Variants in IQCJ observed in about 807,000 individuals in gnomAD.
IQCJ encodes IQ domain-containing protein J.
A neutral mutation model predicts 11.0 loss-of-function variants in IQCJ; 9 were observed. The ratio of observed to expected loss-of-function variants is 0.82; its 90% confidence interval spans 0.49 to 1.43. The LOEUF is 1.43. Among genes scored for constraint, IQCJ ranks in the 40% most tolerant of loss-of-function variants. The pLI, the probability that IQCJ is intolerant of heterozygous loss-of-function variation, is 0.00. For synonymous variants in IQCJ, 55 were observed against 51.3 expected, an observed-to-expected ratio of 1.07 and a Z score of -0.31; for missense variants, 146 against 133.2, an observed-to-expected ratio of 1.10 and a Z score of -0.47.
At chr3:159,107,148 C>G (rs910700366) in intron 1 of IQCJ, among the ~76,000 whole-genome samples, 3 of 152,154 alleles carry the variant, frequency 2.0e-5, no homozygotes, top group Admixed American at 6.5e-5. Flanking sequence ...TTTGTGTCTC[C>G]TCTACCCCAA....
At chr3:159,264,738 C>G (rs1188168393), downstream of IQCJ, among the ~76,000 whole-genome samples, 2 of 151,966 alleles carry the variant, frequency 1.3e-5, no homozygotes, top group African/African-American at 2.4e-5. Context: ...ATAGCGAAAC[C>G]CTGTCTCTAC....
At chr3:159,265,332 A>G, downstream of IQCJ, 1 of 1,613,912 alleles carries the variant, frequency 6.2e-7, no homozygotes, top group Non-Finnish European at 8.5e-7. Flanking sequence ...CCAGCTTGCC[A>G]GACCCACTGG....
At chr3:159,116,840 TC>T (rs1469466958) in intron 1 of IQCJ, among the ~76,000 whole-genome samples, 6 of 151,214 alleles carry the variant, frequency 4.0e-5, no homozygotes, top group Non-Finnish European at 8.9e-5. Flanking sequence ...ATAATCTGAG[TC>T]TTAAAAGTCT....
intron 1 of IQCJ, among the ~76,000 whole-genome samples, chr3:159,106,911 T>C (rs1334960208): frequency 6.6e-6 from 1 of 152,210 alleles, no homozygotes; most frequent in Non-Finnish European, 1.5e-5. Context: ...TGCTTTTTCA[T>C]TTGCTGTTTA....
intron 2 of IQCJ, among the ~76,000 whole-genome samples, chr3:159,246,585 T>G (rs576308116): frequency 1.5e-4 from 23 of 152,284 alleles, no homozygotes; most frequent in East Asian, 1.4e-3. Context: ...TGAGCCCTAA[T>G]GTACTCAGGA....
chr3:159,135,933 T>C (rs1226046145), intron 1 of IQCJ, among the ~76,000 whole-genome samples: 1 of 152,220 alleles, frequency 6.6e-6, no homozygotes, highest in Non-Finnish European at 1.5e-5. Flanking sequence ...TTAAAGCTAC[T>C]ACTCTAAGTG....
intron 1 of IQCJ, among the ~76,000 whole-genome samples, chr3:159,091,825 G>T (rs1216536335): frequency 1.3e-5 from 2 of 151,660 alleles, no homozygotes; most frequent in African/African-American, 2.4e-5. Flanking sequence ...AAGCCCATGG[G>T]TTCATAGTGA....
At chr3:159,207,579 T>C (rs1330615817) in intron 1 of IQCJ, among the ~76,000 whole-genome samples, 1 of 152,208 alleles carries the variant, frequency 6.6e-6, no homozygotes, top group Non-Finnish European at 1.5e-5. Context: ...TCAAAACTAT[T>C]GCAGCTCTGG....
At chr3:159,093,895 A>G (rs1717525823) in intron 1 of IQCJ, among the ~76,000 whole-genome samples, 1 of 151,798 alleles carries the variant, frequency 6.6e-6, no homozygotes, top group South Asian at 2.1e-4. Context: ...CCATGACCTA[A>G]TCACCTCCAA....
intron 1 of IQCJ, among the ~76,000 whole-genome samples, chr3:159,224,607 T>C (rs755174960): frequency 9.9e-5 from 15 of 152,206 alleles, no homozygotes; most frequent in Non-Finnish European, 1.9e-4. Context: ...AACAGAGATA[T>C]AAGATCAGTA....
chr3:159,258,491 T>G (rs182800110), intron 3 of IQCJ, among the ~76,000 whole-genome samples: 87 of 152,232 alleles, frequency 5.7e-4, no homozygotes, highest in East Asian at 4.3e-3. Context: ...ACGCAAAATC[T>G]ACCCATGTGA....
intron 1 of IQCJ, among the ~76,000 whole-genome samples, chr3:159,106,550 T>G (rs1485162039): frequency 6.6e-6 from 1 of 151,774 alleles, no homozygotes; most frequent in Non-Finnish European, 1.5e-5. Context: ...GAGAGAGAGA[T>G]ATTTACTACT....
chr3:159,158,623 G>A (rs1281082624), intron 1 of IQCJ, among the ~76,000 whole-genome samples: 2 of 152,090 alleles, frequency 1.3e-5, no homozygotes, highest in Admixed American at 6.5e-5. Context: ...GAACTTGGGT[G>A]GGAAAAAATA....
At chr3:159,082,623 T>C (rs1716396094) in intron 1 of IQCJ, among the ~76,000 whole-genome samples, 1 of 152,056 alleles carries the variant, frequency 6.6e-6, no homozygotes, top group Non-Finnish European at 1.5e-5. Context: ...GCTGAAGCAC[T>C]GTGCAAATAT....
intron 1 of IQCJ, among the ~76,000 whole-genome samples, chr3:159,186,324 T>A (rs1723369175): frequency 1.3e-5 from 2 of 152,194 alleles, no homozygotes; most frequent in Admixed American, 1.3e-4. Context: ...AATAGGTAGG[T>A]GATGGCTGGA....
chr3:159,141,823 T>G (rs183607125), intron 1 of IQCJ, among the ~76,000 whole-genome samples: 1 of 152,334 alleles, frequency 6.6e-6, no homozygotes, highest in Non-Finnish European at 1.5e-5. Flanking sequence ...TCCCATACAC[T>G]TGAGCATTAA....
intron 1 of IQCJ, among the ~76,000 whole-genome samples, chr3:159,119,419 A>G (rs1719219256): frequency 6.6e-6 from 1 of 152,238 alleles, no homozygotes; most frequent in Non-Finnish European, 1.5e-5. Flanking sequence ...TCAAAGATGC[A>G]GAATGAGTCT....
intron 1 of IQCJ, among the ~76,000 whole-genome samples, chr3:159,146,161 T>C (rs544200196): frequency 2.6e-5 from 4 of 152,178 alleles, no homozygotes; most frequent in Non-Finnish European, 5.9e-5. Flanking sequence ...ACCATCCCAC[T>C]ATTCACTCAC....
At chr3:159,196,830 T>C (rs1165970993) in intron 1 of IQCJ, among the ~76,000 whole-genome samples, 1 of 152,190 alleles carries the variant, frequency 6.6e-6, no homozygotes, top group Non-Finnish European at 1.5e-5. Context: ...GATTCGAACC[T>C]AGGCATTCTG....
Sources: gnomAD v4.1 joint callset for allele counts (sites outside exome capture counted in the v4.1 genomes callset) on GRCh38, gnomAD v4.1.1 for gene constraint, MANE v1.5 for transcripts, NCBI Gene and HGNC (gene_info 2026-07-23, HGNC 2026-07-21) for gene names.